Variants in VTA1 observed in about 807,000 individuals in gnomAD.
VTA1 encodes the protein vacuolar protein sorting-associated protein VTA1 homolog.
A neutral mutation model predicts 36.9 loss-of-function variants in VTA1; 24 were observed. The observed-to-expected ratio is 0.65, with a 90% CI of 0.47 to 0.91. VTA1 has a LOEUF of 0.91. Among genes scored for constraint, VTA1 ranks in the 40% least tolerant of loss-of-function variants. VTA1 has a pLI of 0.00. For missense variants in VTA1, 393 were observed against 377.2 expected (o/e 1.04, Z -0.35); for synonymous variants, 142 against 130.2 (o/e 1.09, Z -0.62).
intron 7 of VTA1, among the ~76,000 whole-genome samples, chr6:142,207,012 G>A (rs1775805756): frequency 6.6e-6 from 1 of 152,040 alleles, no homozygotes; most frequent in African/African-American, 2.4e-5. Flanking sequence ...TGGCAGTGTA[G>A]AAGCATACTG....
chr6:142,183,192 C>T (rs897548192), intron 4 of VTA1, among the ~76,000 whole-genome samples: 4 of 152,166 alleles, frequency 2.6e-5, no homozygotes, highest in African/African-American at 9.7e-5. Context: ...AATCTGTAAC[C>T]TTGACAAAAG....
intron 7 of VTA1, among the ~76,000 whole-genome samples, chr6:142,211,159 G>A (rs944022951): frequency 1.3e-5 from 2 of 151,988 alleles, no homozygotes; most frequent in African/African-American, 4.8e-5. Context: ...GTTACCAAAG[G>A]CCAGGAAGGA....
At chr6:142,181,690 T>G (rs1775244385) in intron 4 of VTA1, among the ~76,000 whole-genome samples, 2 of 151,932 alleles carry the variant, frequency 1.3e-5, no homozygotes, top group Non-Finnish European at 2.9e-5. Context: ...CGACCTTACC[T>G]TGTTTGGAAA....
chr6:142,157,347 C>CT (rs1293668904), intron 1 of VTA1, among the ~76,000 whole-genome samples: 3 of 151,982 alleles, frequency 2.0e-5, no homozygotes, highest in African/African-American at 4.8e-5. Flanking sequence ...TGATTACTTA[C>CT]TTTTTTTTAT....
intron 1 of VTA1, among the ~76,000 whole-genome samples, chr6:142,157,834 G>A (rs191611773): frequency 6.8e-6 from 1 of 146,100 alleles, no homozygotes; most frequent in African/African-American, 2.5e-5. Context: ...TTATTTTTCT[G>A]TGGCTTGTCA....
chr6:142,159,505 T>A (rs1465472038), intron 1 of VTA1, among the ~76,000 whole-genome samples: 2 of 140,964 alleles, frequency 1.4e-5, no homozygotes, highest in African/African-American at 5.7e-5. Flanking sequence ...ATTATTATTA[T>A]TATTATTATT....
chr6:142,215,949 AGAG>A (rs1161925872), intron 7 of VTA1, among the ~76,000 whole-genome samples: 3 of 152,142 alleles, frequency 2.0e-5, no homozygotes, highest in African/African-American at 7.2e-5. Flanking sequence ...TGACCTCTGA[AGAG>A]GAGATGAAGC....
chr6:142,158,277 G>A (rs1054050043), intron 1 of VTA1, among the ~76,000 whole-genome samples: 4 of 152,280 alleles, frequency 2.6e-5, no homozygotes, highest in Admixed American at 1.3e-4. Flanking sequence ...TATGAAGAGA[G>A]ACATCTTGCT....
chr6:142,202,844 A>G (rs1241670376), intron 6 of VTA1, among the ~76,000 whole-genome samples: 1 of 151,950 alleles, frequency 6.6e-6, no homozygotes, highest in African/African-American at 2.4e-5. Flanking sequence ...TTTCATCTGT[A>G]TCCCTGTGTA....
Position 142,212,401 on chromosome 6 carries a change from A to G in VTA1, c.779-6097A>G, listed in dbSNP as rs564043463. On this transcript the variant is annotated intron_variant, in intron 7 of 7. Coordinates refer to ENST00000367630, the MANE Select transcript of VTA1 (RefSeq NM_016485.5). ...AAACTTAAATGCATATTACAAAGTG[A>G]AAGGAACCAATGTTTAAAAGCTATA... 3.0e-3 allele frequency among the ~76,000 whole-genome samples: 463 copies of G among 152,342 alleles called. 2 individuals are homozygous for G. The highest frequency in any genetic ancestry group is 5.6e-3 in the Non-Finnish European group (382 of 68,032).
In VTA1 at chr6:142,182,876, G is replaced by C. The variant is rs72993075; in HGVS notation, c.412-6550G>C. Among the ~76,000 whole-genome samples, 3 of 152,128 alleles carry C rather than the reference G, an allele frequency of 2.0e-5. No homozygotes were observed. In the East Asian group the frequency reaches 5.8e-4, roughly 29 times the overall value. On this transcript the variant is annotated intron_variant, in intron 4 of 7. Transcript: ENST00000367630. The stretch of plus-strand genomic sequence containing the variant: ...GGTACATTTAAAGCCATTAGACTGC[G>C]TGAGATCATCAAGTGTAGAAAGAAG...
intron 7 of VTA1, among the ~76,000 whole-genome samples, chr6:142,210,676 A>T (rs919948875): frequency 2.0e-5 from 3 of 152,218 alleles, no homozygotes; most frequent in African/African-American, 7.2e-5. Flanking sequence ...GAGAAATACA[A>T]ATCAAAATCA....
At chr6:142,177,925 G>A (rs555280285) in intron 4 of VTA1, among the ~76,000 whole-genome samples, 3 of 152,118 alleles carry the variant, frequency 2.0e-5, no homozygotes, top group South Asian at 4.1e-4. Flanking sequence ...GCTTATTCAC[G>A]GGCATTAATG....
chr6:142,158,318 G>A (rs1331574875), intron 1 of VTA1, among the ~76,000 whole-genome samples: 1 of 152,172 alleles, frequency 6.6e-6, no homozygotes, highest in Non-Finnish European at 1.5e-5. Flanking sequence ...GAGCCACACT[G>A]CCTGAGTCAA....
intron 1 of VTA1, among the ~76,000 whole-genome samples, chr6:142,148,024 C>G (rs1355035808): frequency 6.6e-6 from 1 of 152,084 alleles, no homozygotes; most frequent in Non-Finnish European, 1.5e-5. Flanking sequence ...GAGTGTTATA[C>G]GTTGAATTTA....
chr6:142,177,121 G>A (rs1775140590), intron 4 of VTA1, among the ~76,000 whole-genome samples: 1 of 152,064 alleles, frequency 6.6e-6, no homozygotes, highest in South Asian at 2.1e-4. Context: ...CTCATTCTTA[G>A]CAATTATCAT....
chr6:142,168,996 C>T (rs996298460), intron 2 of VTA1, among the ~76,000 whole-genome samples: 28 of 151,960 alleles, frequency 1.8e-4, no homozygotes, highest in African/African-American at 6.3e-4. Flanking sequence ...GTCTCGATCT[C>T]CTGACCTCGT....
rs546849584 is a variant in VTA1 at position 142,161,373 on chromosome 6, G to A, written c.113-4855G>A. Among the ~76,000 whole-genome samples, 11 of 152,018 alleles carry A rather than the reference G, an allele frequency of 7.2e-5. No homozygotes were observed. The East Asian group carries it at 1.2e-3, about 16-fold the overall frequency. ...CACAGTTGCTTTTATATCTTTTTGC[G>A]TGTGTTTTTATCATGCGTATTTCAT... is the stretch of plus-strand genomic sequence containing the variant. On this transcript the variant is annotated intron_variant, in intron 1 of 7. Transcript: ENST00000367630.
intron 6 of VTA1, among the ~76,000 whole-genome samples, chr6:142,203,133 T>C (rs1775722228): frequency 6.6e-6 from 1 of 152,068 alleles, no homozygotes; most frequent in African/African-American, 2.4e-5. Context: ...ATTCTAGAAC[T>C]CTCAGTGGAT....
Sources: allele counts gnomAD v4.1 joint callset (sites outside exome capture counted in the v4.1 genomes callset), GRCh38; gene constraint gnomAD v4.1.1; transcripts MANE v1.5; gene names NCBI Gene and HGNC (gene_info 2026-07-23, HGNC 2026-07-21).